The following ANTXR1 variants were observed in gnomAD, a reference collection of about 807,000 sequenced individuals.
ANTXR1 encodes the protein anthrax toxin receptor 1.
In ANTXR1, 19 loss-of-function variants were observed where a neutral mutation model predicts 78.1. That is an observed-to-expected ratio of 0.24 (90% confidence interval 0.17 to 0.36). The LOEUF (loss-of-function observed/expected upper bound fraction) is 0.36. Among genes scored for constraint, ANTXR1 ranks in the 10% least tolerant of loss-of-function variants. The probability of loss-of-function intolerance (pLI) is 1.00; values close to 1 mark genes in which losing one functional copy is unlikely to be tolerated. For missense variants in ANTXR1, 518 were observed against 718.6 expected (o/e 0.72, Z 3.19); for synonymous variants, 273 against 260.5 (o/e 1.05, Z -0.46).
At chr2:69,130,135 T>C (rs977173780) in intron 12 of ANTXR1, among the ~76,000 whole-genome samples, 6 of 152,224 alleles carry the variant, frequency 3.9e-5, no homozygotes, top group African/African-American at 1.4e-4. Context: ...CCCTTGATCT[T>C]GAACACCCAA....
intron 5 of ANTXR1, among the ~76,000 whole-genome samples, chr2:69,072,663 C>G (rs1670603349): frequency 6.6e-6 from 1 of 152,180 alleles, no homozygotes; most frequent in South Asian, 2.1e-4. Context: ...CTGAACAGCC[C>G]AGGTGGGAGT....
chr2:69,051,288 A>G (rs1394662643), intron 3 of ANTXR1, among the ~76,000 whole-genome samples: 2 of 152,154 alleles, frequency 1.3e-5, no homozygotes, highest in Non-Finnish European at 2.9e-5. Flanking sequence ...AAAAAAAAAA[A>G]AGATTATTCA....
chr2:69,198,142 C>T (rs1674704478), intron 17 of ANTXR1, among the ~76,000 whole-genome samples: 1 of 152,194 alleles, frequency 6.6e-6, no homozygotes, highest in African/African-American at 2.4e-5. Flanking sequence ...GTCCAGCTTT[C>T]TACTGGATCA....
At chr2:69,051,243 A>G (rs113185259) in intron 3 of ANTXR1, among the ~76,000 whole-genome samples, 14,809 of 152,018 alleles carry the variant, frequency 0.097, 1,436 homozygotes, top group African/African-American at 0.25. Context: ...GCACCACTGC[A>G]CTGTAGCCTG....
At chr2:69,204,840 C>T (rs1674858302) in intron 17 of ANTXR1, among the ~76,000 whole-genome samples, 1 of 152,196 alleles carries the variant, frequency 6.6e-6, no homozygotes, top group Admixed American at 6.5e-5. Flanking sequence ...TTGATATCCT[C>T]CCACATGGGG....
intron 17 of ANTXR1, among the ~76,000 whole-genome samples, chr2:69,197,827 G>A (rs1048626420): frequency 2.6e-5 from 4 of 152,184 alleles, no homozygotes; most frequent in Non-Finnish European, 4.4e-5. Flanking sequence ...AATTTAGAAT[G>A]TTCTGAGAAA....
chr2:69,088,873 T>A (rs1671138213), intron 8 of ANTXR1, among the ~76,000 whole-genome samples: 1 of 152,122 alleles, frequency 6.6e-6, no homozygotes, highest in African/African-American at 2.4e-5. Context: ...AGCTCAGTGT[T>A]TTCCCCAGGT....
chr2:69,098,761 G>A (rs947119357), intron 9 of ANTXR1, among the ~76,000 whole-genome samples: 3 of 152,182 alleles, frequency 2.0e-5, no homozygotes, highest in Non-Finnish European at 2.9e-5. Context: ...TGAGGCAGGT[G>A]GATCACTTGA....
At chr2:69,136,499 C>T (rs1672912707) in intron 12 of ANTXR1, among the ~76,000 whole-genome samples, 1 of 152,170 alleles carries the variant, frequency 6.6e-6, no homozygotes, top group African/African-American at 2.4e-5. Flanking sequence ...TTGAAAATCT[C>T]ATGTTTTGAA....
At chr2:69,139,936 A>G (rs1365048484) in intron 12 of ANTXR1, among the ~76,000 whole-genome samples, 1 of 152,216 alleles carries the variant, frequency 6.6e-6, no homozygotes, top group African/African-American at 2.4e-5. Flanking sequence ...CTTCTCTGTA[A>G]TCCTATTTCA....
intron 3 of ANTXR1, among the ~76,000 whole-genome samples, chr2:69,065,981 A>G (rs942785770): frequency 1.1e-4 from 16 of 152,266 alleles, no homozygotes; most frequent in African/African-American, 1.9e-4. Flanking sequence ...GAAGAGTCCA[A>G]TTCCACAGAA....
intron 3 of ANTXR1, among the ~76,000 whole-genome samples, chr2:69,046,788 A>T (rs1204835793): frequency 6.6e-6 from 1 of 152,194 alleles, no homozygotes; most frequent in Non-Finnish European, 1.5e-5. Context: ...GGGCACAGGA[A>T]TTTGTATTTT....
At chr2:69,145,405 A>C in intron 12 of ANTXR1, 1 of 1,580,722 alleles carries the variant, frequency 6.3e-7, no homozygotes, top group Non-Finnish European at 8.6e-7. Context: ...CCCTCCGGAC[A>C]GCACACTCCT....
At chr2:69,196,123 C>A (rs1674663807) in intron 17 of ANTXR1, among the ~76,000 whole-genome samples, 1 of 152,182 alleles carries the variant, frequency 6.6e-6, no homozygotes, top group Admixed American at 6.5e-5. Flanking sequence ...TAAATTGAAT[C>A]TCTTATTTAC....
intron 3 of ANTXR1, among the ~76,000 whole-genome samples, chr2:69,068,535 C>T (rs1670470716): frequency 6.6e-6 from 1 of 152,072 alleles, no homozygotes; most frequent in Admixed American, 6.6e-5. Flanking sequence ...GAGAAAGGGG[C>T]TTGGGAAGAC....
intron 1 of ANTXR1, among the ~76,000 whole-genome samples, chr2:69,027,179 C>CT (rs1671369693): frequency 6.6e-6 from 1 of 152,154 alleles, no homozygotes; most frequent in African/African-American, 2.4e-5. Flanking sequence ...GTGGCAGCTG[C>CT]TCTGTGGGGG....
chr2:69,047,938 T>C (rs1669820454), intron 3 of ANTXR1, among the ~76,000 whole-genome samples: 1 of 152,188 alleles, frequency 6.6e-6, no homozygotes, highest in South Asian at 2.1e-4. Flanking sequence ...TCCTGTACTT[T>C]GTACTGTATC....
chr2:69,219,400 C>CAT (rs1675261938), intron 17 of ANTXR1, among the ~76,000 whole-genome samples: 2 of 151,516 alleles, frequency 1.3e-5, no homozygotes, highest in African/African-American at 4.9e-5. Context: ...CACACACACA[C>CAT]ACACACACAC....
At chr2:69,093,763 T>C (rs988319771) in intron 9 of ANTXR1, among the ~76,000 whole-genome samples, 3 of 152,244 alleles carry the variant, frequency 2.0e-5, no homozygotes, top group Admixed American at 1.3e-4. Flanking sequence ...AATCTTTCTT[T>C]AGATTTTCTT....
Sources: allele counts gnomAD v4.1 joint callset (sites outside exome capture counted in the v4.1 genomes callset), GRCh38; gene constraint gnomAD v4.1.1; transcripts MANE v1.5; gene names NCBI Gene and HGNC (gene_info 2026-07-23, HGNC 2026-07-21).